ARB2A: variants seen among roughly 807,000 people sequenced by gnomAD.
ARB2A encodes the protein cotranscriptional regulator ARB2A.
At chr5:93,833,551 T>C in the ARB2A span, among the ~76,000 whole-genome samples, 2 of 152,202 alleles carry the variant, frequency 1.3e-5, no homozygotes, top group Non-Finnish European at 1.5e-5. Context: ...AGTGTAATTT[T>C]TATCATATAA....
the ARB2A span, among the ~76,000 whole-genome samples, chr5:93,853,886 C>A: frequency 3.9e-5 from 6 of 152,244 alleles, no homozygotes; most frequent in South Asian, 1.2e-3. Flanking sequence ...ATTTTTGCAT[C>A]AATGTTCATC....
the ARB2A span, among the ~76,000 whole-genome samples, chr5:93,966,082 T>A: frequency 6.6e-6 from 1 of 152,018 alleles, no homozygotes. Flanking sequence ...TGTAGACTTA[T>A]AAGAGTAAAC....
At chr5:93,807,487 A>C in the ARB2A span, among the ~76,000 whole-genome samples, 4 of 152,128 alleles carry the variant, frequency 2.6e-5, no homozygotes, top group Non-Finnish European at 2.9e-5. Flanking sequence ...ATCCTGGACC[A>C]CTGTTTCATA....
At chr5:94,082,333 C>G in the ARB2A span, among the ~76,000 whole-genome samples, 1 of 152,116 alleles carries the variant, frequency 6.6e-6, no homozygotes, top group African/African-American at 2.4e-5. Flanking sequence ...TTGGTAATAA[C>G]TTTATTGTTA....
At chr5:93,751,761 G>A in the ARB2A span, among the ~76,000 whole-genome samples, 1 of 152,140 alleles carries the variant, frequency 6.6e-6, no homozygotes, top group Admixed American at 6.5e-5. Flanking sequence ...CGTATGTTTT[G>A]GGAATATTTT....
chr5:93,912,203 T>C, the ARB2A span, among the ~76,000 whole-genome samples: 1 of 151,744 alleles, frequency 6.6e-6, no homozygotes, highest in East Asian at 1.9e-4. Flanking sequence ...TGAGCAGAAT[T>C]CTAATTTACT....
At chr5:94,068,055 AC>A in the ARB2A span, among the ~76,000 whole-genome samples, 1 of 152,170 alleles carries the variant, frequency 6.6e-6, no homozygotes, top group African/African-American at 2.4e-5. Context: ...TCACTTTGTT[AC>A]CGGCAGGTCT....
the ARB2A span, among the ~76,000 whole-genome samples, chr5:93,772,104 C>T: frequency 2.6e-5 from 4 of 152,180 alleles, no homozygotes; most frequent in Admixed American, 2.0e-4. Flanking sequence ...GGCACAAATA[C>T]ACCATGGAAT....
At chr5:93,683,522 T>C in the ARB2A span, 10 of 1,542,702 alleles carry the variant, frequency 6.5e-6, no homozygotes, top group African/African-American at 1.1e-4. Context: ...GCCTTCGTAA[T>C]TCATGGCCTC....
At chr5:93,779,784 AT>A in the ARB2A span, among the ~76,000 whole-genome samples, 1 of 152,082 alleles carries the variant, frequency 6.6e-6, no homozygotes, top group Non-Finnish European at 1.5e-5. Flanking sequence ...CAGTTTAAAC[AT>A]TTTTTTACCC....
chr5:93,696,396 T>C, the ARB2A span, among the ~76,000 whole-genome samples: 1 of 152,186 alleles, frequency 6.6e-6, no homozygotes, highest in South Asian at 2.1e-4. Context: ...CTTCTATGAA[T>C]CTTCAAATCC....
the ARB2A span, among the ~76,000 whole-genome samples, chr5:93,751,084 A>G: frequency 6.6e-6 from 1 of 152,190 alleles, no homozygotes; most frequent in Non-Finnish European, 1.5e-5. Context: ...GGGTCTCCTT[A>G]AAAAGTCTCA....
the ARB2A span, among the ~76,000 whole-genome samples, chr5:93,733,024 A>G: frequency 6.6e-6 from 1 of 152,132 alleles, no homozygotes; most frequent in African/African-American, 2.4e-5. Context: ...TTCTATCAAA[A>G]CTGTGGTTTT....
the ARB2A span, among the ~76,000 whole-genome samples, chr5:93,872,200 G>A: frequency 2.0e-5 from 3 of 151,844 alleles, no homozygotes; most frequent in Non-Finnish European, 2.9e-5. Context: ...CGCCTGCCTC[G>A]GCCTCCCAAA....
the ARB2A span, among the ~76,000 whole-genome samples, chr5:93,913,057 G>A: frequency 2.5e-4 from 38 of 151,722 alleles, no homozygotes; most frequent in East Asian, 4.5e-3. Flanking sequence ...ACATCTTTAC[G>A]TTTATTATTT....
At chr5:93,833,316 A>G in the ARB2A span, among the ~76,000 whole-genome samples, 1 of 152,358 alleles carries the variant, frequency 6.6e-6, no homozygotes, top group East Asian at 1.9e-4. Flanking sequence ...AAATGAAAAC[A>G]AATGAGTATT....
At chr5:93,881,030 CATTATTAATTCAG>C in the ARB2A span, among the ~76,000 whole-genome samples, 1 of 151,584 alleles carries the variant, frequency 6.6e-6, no homozygotes, top group Admixed American at 6.6e-5. Flanking sequence ...TTGTATGGAG[CATTATTAATTCAG>C]CAGGTGATAT....
chr5:93,848,888 A>G, the ARB2A span, among the ~76,000 whole-genome samples: 37 of 152,310 alleles, frequency 2.4e-4, no homozygotes, highest in African/African-American at 8.9e-4. Flanking sequence ...AAGAAGTTGC[A>G]CAGTTTCCTT....
chr5:93,885,556 T>A, the ARB2A span, among the ~76,000 whole-genome samples: 42 of 151,614 alleles, frequency 2.8e-4, no homozygotes, highest in Non-Finnish European at 5.0e-4. Flanking sequence ...TCAATTCCAA[T>A]ATCCAACATT....
Sources: gnomAD v4.1 joint callset for allele counts (sites outside exome capture counted in the v4.1 genomes callset) on GRCh38, gnomAD v4.1.1 for gene constraint, MANE v1.5 for transcripts, NCBI Gene and HGNC (gene_info 2026-07-23, HGNC 2026-07-21) for gene names.